Variants in BIRC6 observed in about 807,000 individuals in gnomAD.
BIRC6 encodes the protein baculoviral IAP repeat containing 6, also known as dual E2 ubiquitin-conjugating enzyme/E3 ubiquitin-protein ligase BIRC6.
Under a neutral mutation model 503.3 loss-of-function variants are expected in BIRC6, and 98 were observed. The observed-to-expected ratio is 0.19, with a 90% CI of 0.17 to 0.23. The LOEUF (loss-of-function observed/expected upper bound fraction) is 0.23, where lower values mean the gene tolerates loss of function less well. Among genes scored for constraint, BIRC6 ranks in the 10% least tolerant of loss-of-function variants. The probability of loss-of-function intolerance (pLI) is 1.00; values close to 1 mark genes in which losing one functional copy is unlikely to be tolerated. For synonymous variants in BIRC6, 2,240 were observed against 2,078.7 expected (o/e 1.08, Z -2.11); for missense variants, 5,360 against 5,806.0 (o/e 0.92, Z 2.50).
At chr2:32,513,673 G>C (rs2054681034) in intron 54 of BIRC6, among the ~76,000 whole-genome samples, 1 of 152,202 alleles carries the variant, frequency 6.6e-6, no homozygotes, top group African/African-American at 2.4e-5. Context: ...CACTTTGGGA[G>C]GCCGAGGTGG....
In BIRC6 at chr2:32,513,037, A is replaced by G. The variant is rs2054599177; in HGVS notation, c.10451A>G (p.Tyr3484Cys). The G allele has an allele frequency of 5.6e-6, 9 of 1,613,966 alleles. No homozygotes were observed. The East Asian group carries it at 6.7e-5, about 12-fold the overall frequency. ...YMCPNSSTVE[Y>C]GLLMPSPSHL... Reference sequence around the variant, plus strand: ...TGTCCTAACTCCTCAACAGTAGAGTATGGTCTTCTGATGCCATCTCCTTCT... The same window carrying G: ...TGTCCTAACTCCTCAACAGTAGAGTGTGGTCTTCTGATGCCATCTCCTTCT... The change falls in exon 54 of 74, where the codon TAT becomes TGT. Residue 3484 changes from tyrosine (Y) to cysteine (C), a missense_variant. This residue lies in a region of BIRC6 where 878 missense variants were observed against 928.9 expected (regional missense o/e 0.95). Coordinates refer to ENST00000421745, the MANE Select transcript of BIRC6 (RefSeq NM_016252.4).
chr2:32,533,791 G>A (rs550761686), intron 61 of BIRC6, among the ~76,000 whole-genome samples: 7 of 152,298 alleles, frequency 4.6e-5, no homozygotes, highest in African/African-American at 1.7e-4. Context: ...TTTCCTAAGA[G>A]CCTCCAGAAG....
chr2:32,501,880 G>A lies in BIRC6; in HGVS notation c.9199G>A (p.Gly3067Ser). ...ILTYMACGYMGRQGSLATCQL... is the reference protein window; with the variant it reads ...ILTYMACGYMSRQGSLATCQL... ...AACATACATGGCCTGTGGATATATG[G>A]GCAGACAAGTAAGTTCAAGCCAACA... The change falls in exon 47 of 74, where the codon GGC becomes AGC. Residue 3067 changes from glycine (G) to serine (S), a missense_variant. Gly to Ser is a moderately conservative substitution (Grantham distance 56). Transcript: ENST00000421745. 6.2e-7 allele frequency: 1 copy of A among 1,601,702 alleles called. No homozygotes were observed. The highest frequency in any genetic ancestry group is 8.5e-7 in the Non-Finnish European group (1 of 1,176,532).
intron 1 of BIRC6, among the ~76,000 whole-genome samples, chr2:32,366,264 T>C (rs1184640408): frequency 6.6e-6 from 1 of 152,246 alleles, no homozygotes; most frequent in African/African-American, 2.4e-5. Context: ...GGCTTAGCTT[T>C]TAAGATTTTT....
intron 66 of BIRC6, among the ~76,000 whole-genome samples, chr2:32,593,074 T>G (rs780387682): frequency 6.6e-6 from 1 of 152,238 alleles, no homozygotes; most frequent in African/African-American, 2.4e-5. Flanking sequence ...TTTTAAACAC[T>G]TTTATTTATA....
chr2:32,382,016 A>G (rs1277157882), intron 3 of BIRC6, among the ~76,000 whole-genome samples: 1 of 152,210 alleles, frequency 6.6e-6, no homozygotes, highest in East Asian at 1.9e-4. Flanking sequence ...AAACTGTCCT[A>G]TGAGTTTCAA....
intron 65 of BIRC6, among the ~76,000 whole-genome samples, chr2:32,572,617 A>G (rs1450474867): frequency 1.3e-5 from 2 of 152,344 alleles, no homozygotes; most frequent in South Asian, 2.1e-4. Flanking sequence ...ACTTTTGGAT[A>G]TAATTTTGAT....
chr2:32,410,166 C>T (rs2041700989), intron 9 of BIRC6, among the ~76,000 whole-genome samples: 1 of 152,042 alleles, frequency 6.6e-6, no homozygotes, highest in African/African-American at 2.4e-5. Context: ...AGAAAGAAAA[C>T]ATTTAAGTAA....
chr2:32,482,494 C>T lies in BIRC6; in HGVS notation c.7608C>T (p.Tyr2536=). Residue 2536 remains tyrosine, a synonymous_variant, in exon 39 of 74, where the codon TAC becomes TAT. Transcript: ENST00000421745. ...ATGGGACCTACAATTACAACCCTTA[C>T]ATTGGAGGTCTGGGAATTCCTGTAG... is the stretch of plus-strand genomic sequence containing the variant. ...ADYGTYNYNP[Y]IGGLGIPVAK... The T allele has an allele frequency of 6.2e-7, 1 of 1,613,782 alleles. No individual in the cohort carries two copies.
chr2:32,467,959 A>C lies in BIRC6; in HGVS notation c.5628A>C (p.Gly1876=), dbSNP rs532794360. 1 of 1,613,748 alleles carries C rather than the reference A, an allele frequency of 6.2e-7. No individual in the cohort carries two copies. Among genetic ancestry groups the C allele is most frequent in the East Asian group, 2.2e-5 (1 of 44,850 alleles). ...STNARAKIPL[G]FYYGHTYILP... ...ATGCCAGAGCCAAAATCCCATTAGG[A>C]TTTTACTATGGTCATACCTACATCT... Residue 1876 remains glycine, a synonymous_variant, in exon 28 of 74, where the codon GGA becomes GGC. Transcript: ENST00000421745.
At chr2:32,403,206 G>C (rs1038541383) in intron 8 of BIRC6, among the ~76,000 whole-genome samples, 8 of 152,116 alleles carry the variant, frequency 5.3e-5, no homozygotes, top group African/African-American at 1.9e-4. Flanking sequence ...GAGCAGTCCT[G>C]TTGGAATTGA....
chr2:32,443,264 T>C (rs1002061803), intron 19 of BIRC6, among the ~76,000 whole-genome samples: 13 of 152,222 alleles, frequency 8.5e-5, no homozygotes, highest in African/African-American at 3.1e-4. Context: ...ATGGTCAGTA[T>C]TGACTGTTGT....
At chr2:32,521,114 G>A (rs936189883) in intron 57 of BIRC6, among the ~76,000 whole-genome samples, 8 of 151,734 alleles carry the variant, frequency 5.3e-5, no homozygotes, top group Admixed American at 1.3e-4. Context: ...CCTACTTAGC[G>A]ATTTTTTTTG....
intron 35 of BIRC6, among the ~76,000 whole-genome samples, chr2:32,478,316 G>A (rs900902436): frequency 6.6e-6 from 1 of 151,740 alleles, no homozygotes; most frequent in South Asian, 2.1e-4. Flanking sequence ...CCAGCCTGGC[G>A]ACAGACCGAG....
rs140667422 is a variant in BIRC6 at position 32,508,429 on chromosome 2, G to A, written c.9980+170G>A. On this transcript the variant is annotated intron_variant, in intron 51 of 73. Coordinates refer to ENST00000421745, the MANE Select transcript of BIRC6 (RefSeq NM_016252.4). ...TATTAGGTGTAATAGAGACAGTTTT[G>A]TGGAAACAGAATGCTGACACTGATT... Among the ~76,000 whole-genome samples, 56 of 151,590 alleles carry A rather than the reference G, an allele frequency of 3.7e-4. 1 individual carries two copies. Among genetic ancestry groups the A allele is most frequent in the South Asian group, 2.7e-3 (13 of 4,790 alleles).
At chr2:32,550,207 A>C (rs1481154301) in intron 65 of BIRC6, among the ~76,000 whole-genome samples, 1 of 152,168 alleles carries the variant, frequency 6.6e-6, no homozygotes, top group African/African-American at 2.4e-5. Context: ...ATGAAAATTT[A>C]CATGTATATT....
At chr2:32,446,738 GTTTTTTTTTTTTTTTTT>G (rs58232090) in intron 21 of BIRC6, among the ~76,000 whole-genome samples, 21 of 34,860 alleles carry the variant, frequency 6.0e-4, no homozygotes, top group South Asian at 2.4e-3. Flanking sequence ...CCTCTGCGCT[GTTTTTTTTTTTTTTTTT>G]TTTTTTTTTT....
intron 44 of BIRC6, among the ~76,000 whole-genome samples, chr2:32,492,397 G>A (rs1374644728): frequency 6.6e-6 from 1 of 152,032 alleles, no homozygotes; most frequent in Non-Finnish European, 1.5e-5. Flanking sequence ...TAAAATAAAT[G>A]AGACAAGGAA....
chr2:32,421,420 A>C (rs747480499), intron 10 of BIRC6, among the ~76,000 whole-genome samples: 1 of 152,128 alleles, frequency 6.6e-6, no homozygotes, highest in Non-Finnish European at 1.5e-5. Flanking sequence ...AGTTTCTTAA[A>C]GTAGAAGCTT....
Sources: gnomAD v4.1 joint callset for allele counts (sites outside exome capture counted in the v4.1 genomes callset) on GRCh38, gnomAD v4.1.1 for gene constraint, gnomAD v4.1.1 regional missense constraint, MANE v1.5 for transcripts, NCBI Gene and HGNC (gene_info 2026-07-23, HGNC 2026-07-21) for gene names.